TBC1D5: variants seen among roughly 807,000 people sequenced by gnomAD.
The protein encoded by TBC1D5 is TBC1 domain family member 5.
TBC1D5 carries 75 observed loss-of-function variants against 100.3 expected under a neutral mutation model. That is an observed-to-expected ratio of 0.75 (90% confidence interval 0.62 to 0.91). The LOEUF (loss-of-function observed/expected upper bound fraction) is 0.91, where lower values mean the gene tolerates loss of function less well. Ranked by LOEUF, TBC1D5 falls within the 40% of genes least tolerant of loss-of-function variation. TBC1D5 has a pLI of 0.00. For missense variants in TBC1D5, 910 were observed against 942.4 expected (o/e 0.97, Z 0.45); for synonymous variants, 323 against 325.6 (o/e 0.99, Z 0.09).
chr3:17,399,892 G>A (rs2093603578), intron 8 of TBC1D5, among the ~76,000 whole-genome samples: 1 of 151,926 alleles, frequency 6.6e-6, no homozygotes, highest in Non-Finnish European at 1.5e-5. Context: ...TCAGATGTCT[G>A]GCCTTTAAAT....
intron 13 of TBC1D5, among the ~76,000 whole-genome samples, chr3:17,313,710 A>T (rs2084319264): frequency 6.6e-6 from 1 of 152,206 alleles, no homozygotes; most frequent in Admixed American, 6.5e-5. Flanking sequence ...GAGGTGTAAC[A>T]CTAAGCTGAG....
At position 17,448,222 on chromosome 3, in the gene TBC1D5, C is replaced by T. The variant is rs139488500; in HGVS notation, c.98-19703G>A. ...CATCTTCAGTGCCCGCTTCTAATTCCAGTTCTCTTGCTATTTCCTGTCCAT... is the reference window on the plus strand; with the variant it reads ...CATCTTCAGTGCCCGCTTCTAATTCTAGTTCTCTTGCTATTTCCTGTCCAT... On this transcript the variant is annotated intron_variant, in intron 3 of 21. Coordinates refer to ENST00000253692, the Ensembl canonical transcript of TBC1D5. Among the ~76,000 whole-genome samples the T allele has an allele frequency of 7.0e-3, 1,061 of 152,280 alleles. 7 individuals carry two copies. The highest frequency in any genetic ancestry group is 0.014 in the Middle Eastern group (4 of 292).
chr3:17,530,338 C>G (rs536838096), intron 2 of TBC1D5, among the ~76,000 whole-genome samples: 1 of 151,078 alleles, frequency 6.6e-6, no homozygotes, highest in African/African-American at 2.4e-5. Context: ...TTGAAAATAT[C>G]GATGGGGGGT....
chr3:17,416,446 A>G (rs1427061532), intron 4 of TBC1D5, among the ~76,000 whole-genome samples: 1 of 152,214 alleles, frequency 6.6e-6, no homozygotes, highest in East Asian at 1.9e-4. Flanking sequence ...GATGGCAACA[A>G]TTCACTCATA....
intron 2 of TBC1D5, among the ~76,000 whole-genome samples, chr3:17,607,248 CAAT>C (rs1211328479): frequency 6.7e-6 from 1 of 148,324 alleles, no homozygotes; most frequent in African/African-American, 2.5e-5. Context: ...AATATTTTCT[CAAT>C]AATATCTAAT....
At chr3:17,483,450 G>A (rs998035069) in intron 3 of TBC1D5, among the ~76,000 whole-genome samples, 1 of 152,138 alleles carries the variant, frequency 6.6e-6, no homozygotes, top group Non-Finnish European at 1.5e-5. Flanking sequence ...CTTTTTAGGG[G>A]TGGGCTTGAG....
intron 2 of TBC1D5, among the ~76,000 whole-genome samples, chr3:17,566,500 C>A (rs1271369699): frequency 1.3e-5 from 2 of 151,780 alleles, no homozygotes; most frequent in Admixed American, 6.6e-5. Flanking sequence ...AAAAGTAGGC[C>A]CTTCTGTTTA....
At chr3:17,442,558 G>A (rs1158190185) in intron 3 of TBC1D5, among the ~76,000 whole-genome samples, 1 of 152,330 alleles carries the variant, frequency 6.6e-6, no homozygotes, top group African/African-American at 2.4e-5. Flanking sequence ...GCCTGGACAT[G>A]GGGATTCTCT....
chr3:17,340,067 T>TA (rs1178222482), intron 13 of TBC1D5, among the ~76,000 whole-genome samples: 1 of 152,164 alleles, frequency 6.6e-6, no homozygotes, highest in African/African-American at 2.4e-5. Flanking sequence ...AGAAGAATGG[T>TA]AAACAGTTCC....
chr3:17,167,654 G>A, intron 20 of TBC1D5, 95 bp downstream of exon 21: 2 of 1,081,772 alleles, frequency 1.8e-6, no homozygotes, highest in Admixed American at 1.9e-5. Context: ...GGGTTAGGGG[G>A]ATGCTGGCTC....
intron 4 of TBC1D5, among the ~76,000 whole-genome samples, chr3:17,414,154 G>A (rs552125567): frequency 6.6e-6 from 1 of 152,266 alleles, no homozygotes; most frequent in Admixed American, 6.5e-5. Context: ...ATTCTAAGTA[G>A]TAAGATAATA....
chr3:17,320,101 G>A (rs961468907), intron 13 of TBC1D5, among the ~76,000 whole-genome samples: 1 of 152,114 alleles, frequency 6.6e-6, no homozygotes, highest in Non-Finnish European at 1.5e-5. Context: ...GATTATCTTT[G>A]TACAGGTCTT....
chr3:17,407,927 A>G (rs1328006598), intron 4 of TBC1D5, among the ~76,000 whole-genome samples: 2 of 152,106 alleles, frequency 1.3e-5, no homozygotes, highest in Non-Finnish European at 2.9e-5. Flanking sequence ...GCTTTACTTT[A>G]ATTTGTACTA....
intron 3 of TBC1D5, among the ~76,000 whole-genome samples, chr3:17,469,576 G>C (rs549053504): frequency 6.6e-6 from 1 of 151,598 alleles, no homozygotes; most frequent in Admixed American, 6.6e-5. Context: ...CAAGTAAAAC[G>C]CATCTTTACT....
chr3:17,642,013 T>C (rs2153698123), intron 1 of TBC1D5, among the ~76,000 whole-genome samples: 1 of 152,284 alleles, frequency 6.6e-6, no homozygotes, highest in Non-Finnish European at 1.5e-5. Flanking sequence ...AAACAGGTAC[T>C]ATTAATTATT....
At chr3:17,372,295 A>G in intron 12 of TBC1D5, 48 bp from the exon 13 acceptor site, 1 of 1,471,560 alleles carries the variant, frequency 6.8e-7, no homozygotes, top group Non-Finnish European at 9.1e-7. Flanking sequence ...TGAAATTAAT[A>G]AATATATGGA....
At chr3:17,358,367 G>A (rs941477488) in intron 13 of TBC1D5, among the ~76,000 whole-genome samples, 8 of 151,954 alleles carry the variant, frequency 5.3e-5, no homozygotes, top group African/African-American at 1.9e-4. Flanking sequence ...TGTATTTTTA[G>A]TGGAGACAGG....
intron 2 of TBC1D5, among the ~76,000 whole-genome samples, chr3:17,532,179 AT>A (rs2096235678): frequency 6.6e-6 from 1 of 152,236 alleles, no homozygotes; most frequent in East Asian, 1.9e-4. Context: ...GGCAAAGGAT[AT>A]GAACAGACAC....
intron 13 of TBC1D5, among the ~76,000 whole-genome samples, chr3:17,352,214 T>C (rs1367900413): frequency 6.6e-6 from 1 of 152,166 alleles, no homozygotes; most frequent in African/African-American, 2.4e-5. Context: ...GTCTATGTAT[T>C]ACAATAAAAG....
Sources: gnomAD v4.1 joint callset for allele counts (sites outside exome capture counted in the v4.1 genomes callset) on GRCh38, gnomAD v4.1.1 for gene constraint, MANE v1.5 for transcripts, NCBI Gene and HGNC (gene_info 2026-07-23, HGNC 2026-07-21) for gene names.